Variants in GPC5 observed in about 807,000 individuals in gnomAD.
The protein encoded by GPC5 is glypican-5.
GPC5 carries 47 observed loss-of-function variants against 53.9 expected under a neutral mutation model. That is an observed-to-expected ratio of 0.87 (90% CI 0.69 to 1.11). GPC5 has a LOEUF of 1.11. GPC5 is among the 50% of genes most tolerant of loss of function. The pLI, the probability that GPC5 is intolerant of heterozygous loss-of-function variation, is 0.00. For missense variants in GPC5, 748 were observed against 713.1 expected, an observed-to-expected ratio of 1.05 and a Z score of -0.56; for synonymous variants, 286 against 263.3, an observed-to-expected ratio of 1.09 and a Z score of -0.84.
At chr13:92,072,091 A>G (rs2138866892) in intron 6 of GPC5, among the ~76,000 whole-genome samples, 1 of 146,494 alleles carries the variant, frequency 6.8e-6, no homozygotes, top group South Asian at 2.1e-4. Context: ...ATAATTATAT[A>G]TAATAAATTC....
At chr13:92,431,782 A>G (rs1877097715) in intron 7 of GPC5, among the ~76,000 whole-genome samples, 1 of 152,144 alleles carries the variant, frequency 6.6e-6, no homozygotes, top group African/African-American at 2.4e-5. Context: ...AATAGAAGGG[A>G]GAAGGAAGAC....
chr13:92,574,394 T>C (rs1357848280), intron 7 of GPC5, among the ~76,000 whole-genome samples: 1 of 152,158 alleles, frequency 6.6e-6, no homozygotes, highest in Non-Finnish European at 1.5e-5. Context: ...AGCTAATAAA[T>C]TAATTTTTTT....
At chr13:91,565,380 C>G (rs2031483673) in intron 2 of GPC5, among the ~76,000 whole-genome samples, 1 of 152,248 alleles carries the variant, frequency 6.6e-6, no homozygotes, top group African/African-American at 2.4e-5. Context: ...ACTGCTTAAG[C>G]AATGCACAGT....
At chr13:92,347,882 T>TAG (rs1491589093) in intron 7 of GPC5, among the ~76,000 whole-genome samples, 1 of 2,330 alleles carries the variant, frequency 4.3e-4, no homozygotes, top group African/African-American at 3.2e-3. Flanking sequence ...ATAATATATA[T>TAG]TATATATATT....
At chr13:91,611,978 C>T (rs952827042) in intron 2 of GPC5, among the ~76,000 whole-genome samples, 2 of 152,220 alleles carry the variant, frequency 1.3e-5, no homozygotes, top group African/African-American at 4.8e-5. Flanking sequence ...GGTTTCTGAG[C>T]TCTATCCATA....
chr13:92,851,071 T>A (rs1878783344), intron 7 of GPC5, among the ~76,000 whole-genome samples: 2 of 152,048 alleles, frequency 1.3e-5, no homozygotes, highest in South Asian at 4.2e-4. Flanking sequence ...GTCTTGCATG[T>A]CTTACATTTC....
intron 7 of GPC5, among the ~76,000 whole-genome samples, chr13:92,177,797 T>C (rs2042119268): frequency 6.6e-6 from 1 of 152,222 alleles, no homozygotes; most frequent in African/African-American, 2.4e-5. Context: ...CAGAATAGCA[T>C]CCACAGTACT....
intron 6 of GPC5, among the ~76,000 whole-genome samples, chr13:91,939,006 T>A (rs1216715798): frequency 5.3e-5 from 8 of 152,114 alleles, no homozygotes; most frequent in African/African-American, 1.9e-4. Context: ...ATGACTACTG[T>A]CATTACTTAG....
intron 1 of GPC5, among the ~76,000 whole-genome samples, chr13:91,404,831 C>T (rs1275221661): frequency 6.6e-6 from 1 of 152,148 alleles, no homozygotes; most frequent in Non-Finnish European, 1.5e-5. Context: ...CAGAAATAAC[C>T]ACCGAAATGC....
At chr13:92,359,784 T>C (rs1294158016) in intron 7 of GPC5, among the ~76,000 whole-genome samples, 1 of 151,570 alleles carries the variant, frequency 6.6e-6, no homozygotes, top group Non-Finnish European at 1.5e-5. Flanking sequence ...TCATTCACTA[T>C]CACGAGAACA....
chr13:92,235,926 A>T (rs1406202173), intron 7 of GPC5, among the ~76,000 whole-genome samples: 3 of 150,340 alleles, frequency 2.0e-5, no homozygotes, highest in Admixed American at 1.3e-4. Flanking sequence ...GCACTGGTGT[A>T]AAAAAAAAGC....
intron 6 of GPC5, among the ~76,000 whole-genome samples, chr13:92,032,583 G>C (rs1428586486): frequency 6.6e-6 from 1 of 151,954 alleles, no homozygotes; most frequent in Non-Finnish European, 1.5e-5. Flanking sequence ...CCTAAAACGT[G>C]GTCTCACCCT....
chr13:91,458,990 A>T (rs1405158594), intron 2 of GPC5, among the ~76,000 whole-genome samples: 2 of 152,078 alleles, frequency 1.3e-5, no homozygotes, highest in Non-Finnish European at 2.9e-5. Flanking sequence ...GTTCTCACTG[A>T]TAAGTGGGAG....
intron 2 of GPC5, among the ~76,000 whole-genome samples, chr13:91,611,120 A>G (rs1212995446): frequency 2.0e-5 from 3 of 152,196 alleles, no homozygotes; most frequent in Non-Finnish European, 4.4e-5. Context: ...TAGTTAACCA[A>G]ATTGCTTCCT....
chr13:91,875,333 C>G (rs766841569), intron 5 of GPC5, among the ~76,000 whole-genome samples: 22 of 152,104 alleles, frequency 1.4e-4, no homozygotes, highest in Non-Finnish European at 3.1e-4. Flanking sequence ...CTTTAAAACA[C>G]GTTAGGTACT....
At chr13:91,842,902 C>A (rs897181366) in intron 5 of GPC5, among the ~76,000 whole-genome samples, 1 of 151,954 alleles carries the variant, frequency 6.6e-6, no homozygotes, top group Non-Finnish European at 1.5e-5. Flanking sequence ...TAAATGGAAT[C>A]CTTTTAATAC....
At chr13:92,569,231 T>A (rs1019269913) in intron 7 of GPC5, among the ~76,000 whole-genome samples, 19 of 151,678 alleles carry the variant, frequency 1.3e-4, no homozygotes, top group African/African-American at 4.4e-4. Flanking sequence ...TCCAATTTCA[T>A]CCATGTCCCT....
At chr13:92,499,087 A>G (rs1438201368) in intron 7 of GPC5, among the ~76,000 whole-genome samples, 1 of 152,140 alleles carries the variant, frequency 6.6e-6, no homozygotes, top group African/African-American at 2.4e-5. Context: ...AGGATCCTGG[A>G]ATGTCCTTAA....
chr13:91,883,688 A>C (rs1200858786), intron 5 of GPC5, among the ~76,000 whole-genome samples: 2 of 152,250 alleles, frequency 1.3e-5, no homozygotes, highest in African/African-American at 4.8e-5. Flanking sequence ...AAGCATGAAA[A>C]GACAGATTAT....
Sources: allele counts gnomAD v4.1 joint callset (sites outside exome capture counted in the v4.1 genomes callset), GRCh38; gene constraint gnomAD v4.1.1; transcripts MANE v1.5; gene names NCBI Gene and HGNC (gene_info 2026-07-23, HGNC 2026-07-21).